HSD17B12: variants seen among roughly 807,000 people sequenced by gnomAD.
HSD17B12 encodes hydroxysteroid 17-beta dehydrogenase 12.
HSD17B12 carries 32 observed loss-of-function variants against 39.3 expected under a neutral mutation model. That is an observed-to-expected ratio of 0.81 (90% CI 0.61 to 1.09). The LOEUF (loss-of-function observed/expected upper bound fraction) is 1.09. HSD17B12 is among the 50% of genes least tolerant of loss of function. The pLI is 0.00. For missense variants in HSD17B12, 342 were observed against 382.9 expected, an observed-to-expected ratio of 0.89 and a Z score of 0.89; for synonymous variants, 150 against 146.7, an observed-to-expected ratio of 1.02 and a Z score of -0.16.
chr11:43,715,708 T>C (rs2134848962), intron 1 of HSD17B12, among the ~76,000 whole-genome samples: 1 of 152,334 alleles, frequency 6.6e-6, no homozygotes, highest in Middle Eastern at 3.4e-3. Context: ...TGGTACCAGC[T>C]TCTCCTTGTA....
At chr11:43,664,031 G>T in the HSD17B12 span, among the ~76,000 whole-genome samples, 1 of 151,816 alleles carries the variant, frequency 6.6e-6, no homozygotes, top group East Asian at 1.9e-4. Flanking sequence ...TGTATTTTTA[G>T]TAGAGACAGG....
rs748562903 is a variant in HSD17B12, at chr11:43,754,039, G to A, written c.208-7G>A. On this transcript the variant is annotated splice_polypyrimidine_tract_variant and splice_region_variant and intron_variant, in intron 2 of 10. Coordinates refer to ENST00000278353, the MANE Select transcript of HSD17B12 (RefSeq NM_016142.3). ...AGGTGTGATTCAAATCTCCTTTACTGTTTCAGTTAGCAAAGCATGGAATGA... is the reference window on the plus strand; with the variant it reads ...AGGTGTGATTCAAATCTCCTTTACTATTTCAGTTAGCAAAGCATGGAATGA... 1.9e-6 allele frequency: 3 copies of A among 1,601,116 alleles called. No individual in the cohort carries two copies. Among genetic ancestry groups the A allele is most frequent in the East Asian group, 4.5e-5 (2 of 44,732 alleles).
intron 3 of HSD17B12, among the ~76,000 whole-genome samples, chr11:43,763,740 C>A (rs1367611132): frequency 6.6e-6 from 1 of 151,688 alleles, no homozygotes; most frequent in Non-Finnish European, 1.5e-5. Flanking sequence ...CAAGTTGTTG[C>A]ACATACCACA....
intron 2 of HSD17B12, among the ~76,000 whole-genome samples, chr11:43,753,368 C>G (rs1950481911): frequency 6.9e-6 from 1 of 145,814 alleles, no homozygotes; most frequent in Non-Finnish European, 1.5e-5. Context: ...TTTATATATC[C>G]ATTCTGCAGC....
At chr11:43,680,731 T>G, upstream of HSD17B12, 1 of 1,090,930 alleles carries the variant, frequency 9.2e-7, no homozygotes. Context: ...GAGCAGCGCC[T>G]ATTAGTGTCA....
the HSD17B12 span, among the ~76,000 whole-genome samples, chr11:43,600,502 C>T: frequency 1.3e-5 from 2 of 152,012 alleles, no homozygotes; most frequent in Non-Finnish European, 1.5e-5. Flanking sequence ...AGGCTGTCAG[C>T]GTGATTATTT....
intron 3 of HSD17B12, among the ~76,000 whole-genome samples, chr11:43,788,314 G>A (rs1464158701): frequency 3.3e-5 from 5 of 152,114 alleles, no homozygotes; most frequent in African/African-American, 1.2e-4. Flanking sequence ...CATTTCATAT[G>A]ATTAAAAAAA....
the HSD17B12 span, chr11:43,559,833 C>T: frequency 1.9e-5 from 3 of 155,918 alleles, no homozygotes; most frequent in Non-Finnish European, 4.4e-5. Context: ...TCTTCATCAC[C>T]TTGGATGAGC....
the HSD17B12 span, chr11:43,569,398 G>A: frequency 6.6e-6 from 1 of 152,218 alleles, no homozygotes; most frequent in Non-Finnish European, 1.5e-5. Context: ...GAGCAGCTAG[G>A]TTAAAAAGAT....
intron 1 of HSD17B12, among the ~76,000 whole-genome samples, chr11:43,726,289 A>G (rs1044537973): frequency 6.6e-6 from 1 of 152,134 alleles, no homozygotes; most frequent in African/African-American, 2.4e-5. Flanking sequence ...CGATAAGAAA[A>G]GAGATAACTG....
At chr11:43,635,320 A>G in the HSD17B12 span, among the ~76,000 whole-genome samples, 8 of 152,214 alleles carry the variant, frequency 5.3e-5, no homozygotes, top group Non-Finnish European at 1.0e-4. Flanking sequence ...TGGATTTACA[A>G]TTTGTCCAGA....
At chr11:43,847,895 T>C (rs534754727) in intron 9 of HSD17B12, among the ~76,000 whole-genome samples, 1 of 152,154 alleles carries the variant, frequency 6.6e-6, no homozygotes, top group South Asian at 2.1e-4. Flanking sequence ...ATAGGACAAA[T>C]TGAGATGAGA....
At chr11:43,579,832 G>A in the HSD17B12 span, among the ~76,000 whole-genome samples, 1 of 151,998 alleles carries the variant, frequency 6.6e-6, no homozygotes, top group African/African-American at 2.4e-5. Flanking sequence ...CCACCGTCGA[G>A]AGACGTTTTC....
the HSD17B12 span, among the ~76,000 whole-genome samples, chr11:43,658,344 C>A: frequency 6.6e-6 from 1 of 152,132 alleles, no homozygotes; most frequent in East Asian, 1.9e-4. Flanking sequence ...CGAACTTCCT[C>A]CTTTAGGTCG....
chr11:43,844,935 T>C (rs951290394), intron 9 of HSD17B12, among the ~76,000 whole-genome samples: 5 of 152,224 alleles, frequency 3.3e-5, no homozygotes, highest in African/African-American at 1.2e-4. Flanking sequence ...AACATTATGG[T>C]CCTTCAATTC....
intron 9 of HSD17B12, among the ~76,000 whole-genome samples, chr11:43,841,026 A>G (rs941228967): frequency 1.3e-5 from 2 of 152,104 alleles, no homozygotes; most frequent in African/African-American, 4.8e-5. Flanking sequence ...ATCTTCACCA[A>G]CACTTGTTAT....
the HSD17B12 span, among the ~76,000 whole-genome samples, chr11:43,599,076 C>T: frequency 1.3e-5 from 2 of 152,144 alleles, no homozygotes; most frequent in East Asian, 1.9e-4. Flanking sequence ...ACTCTCCTTC[C>T]GTTTTATAAT....
intron 6 of HSD17B12, among the ~76,000 whole-genome samples, chr11:43,827,295 A>G (rs555055230): frequency 1.3e-5 from 2 of 152,288 alleles, no homozygotes; most frequent in East Asian, 3.9e-4. Flanking sequence ...TTTGAACATT[A>G]TGCAATCATG....
the HSD17B12 span, among the ~76,000 whole-genome samples, chr11:43,577,121 A>G: frequency 6.6e-6 from 1 of 152,144 alleles, no homozygotes; most frequent in Non-Finnish European, 1.5e-5. Flanking sequence ...AAGGACGGCG[A>G]CCCTGGTTCG....
Sources: allele counts gnomAD v4.1 joint callset (sites outside exome capture counted in the v4.1 genomes callset), GRCh38; gene constraint gnomAD v4.1.1; transcripts MANE v1.5; gene names NCBI Gene and HGNC (gene_info 2026-07-23, HGNC 2026-07-21).